TGFB1: variants seen among roughly 807,000 people sequenced by gnomAD.
The protein encoded by TGFB1 is transforming growth factor beta-1 proprotein.
In TGFB1, 19 loss-of-function variants were observed where a neutral mutation model predicts 43.8. The ratio of observed to expected loss-of-function variants is 0.43; its 90% confidence interval spans 0.30 to 0.64. The LOEUF (loss-of-function observed/expected upper bound fraction) is 0.64, where lower values mean the gene tolerates loss of function less well. TGFB1 is among the 30% of genes least tolerant of loss of function. The pLI, the probability that TGFB1 is intolerant of heterozygous loss-of-function variation, is 0.11. For missense variants in TGFB1, 445 were observed against 529.8 expected (o/e 0.84, Z 1.57); for synonymous variants, 221 against 236.3 (o/e 0.94, Z 0.60).
At chr19:41,352,051 C>G (rs529358590) in intron 1 of TGFB1, among the ~76,000 whole-genome samples, 4 of 152,184 alleles carry the variant, frequency 2.6e-5, no homozygotes, top group South Asian at 2.1e-4. Context: ...TTCCAATAAC[C>G]TCCCGTCCCT....
intron 5 of TGFB1, among the ~76,000 whole-genome samples, chr19:41,336,022 T>A (rs1231384060): frequency 7.1e-6 from 1 of 140,516 alleles, no homozygotes; most frequent in Non-Finnish European, 1.5e-5. Context: ...TGAGATGGAG[T>A]CTTGCTCTGT....
In TGFB1 at chr19:41,332,121, G is replaced by T; in HGVS notation, c.1014+7C>A. 6.2e-7 allele frequency: 1 copy of T among 1,609,534 alleles called. No individual in the cohort carries two copies. The highest frequency in any genetic ancestry group is 8.5e-7 in the Non-Finnish European group (1 of 1,176,230). Reference sequence around the variant, plus strand: ...GCGCATCTCGTAGCCCGGTGGGCCAGACGTACCTTGCTGTACTGCGTGTCC... The same window carrying T: ...GCGCATCTCGTAGCCCGGTGGGCCATACGTACCTTGCTGTACTGCGTGTCC... On this transcript the variant is annotated splice_region_variant and intron_variant, in intron 6 of 6. Coordinates refer to ENST00000221930, the MANE Select transcript of TGFB1 (RefSeq NM_000660.7).
chr19:41,352,880 G>C lies in TGFB1; in HGVS notation c.165C>G (p.Ser55=). ...TCGGGGGGCTGGCGAGCCGCAGCTT[G>C]GACAGGATCTGGCCGCGGATGGCCT... ...RIEAIRGQIL[S]KLRLASPPSQ... is the part of the protein sequence containing the mutation. Residue 55 remains serine, a synonymous_variant, in exon 1 of 7, where the codon TCC becomes TCG. Coordinates refer to ENST00000221930, the MANE Select transcript of TGFB1 (RefSeq NM_000660.7). 6.4e-7 allele frequency: 1 copy of C among 1,564,462 alleles called. No homozygotes were observed. Among genetic ancestry groups the C allele is most frequent in the Non-Finnish European group, 8.7e-7 (1 of 1,155,572 alleles).
Position 41,341,927 on chromosome 19 carries a change from T to C in TGFB1, c.816A>G (p.Gln272=), listed in dbSNP as rs2038060094. 2 of 1,614,104 alleles carry C rather than the reference T, an allele frequency of 1.2e-6. No homozygotes were observed. Among genetic ancestry groups the C allele is most frequent in the Non-Finnish European group, 1.7e-6 (2 of 1,179,984 alleles). Residue 272 remains glutamine, a synonymous_variant, in exon 5 of 7, where the codon CAA becomes CAG. Coordinates refer to ENST00000221930, the MANE Select transcript of TGFB1 (RefSeq NM_000660.7). ...CCAGGGCTCGGCGGTGCCGGGAGCT[T>C]TGCAGATGCTGGGCCCTCTCCAGCG... The part of the protein sequence containing the change: ...ATPLERAQHL[Q]SSRHRRALDT...
In TGFB1 at chr19:41,353,207, C is replaced by T; in HGVS notation, c.-163G>A. The T allele has an allele frequency of 2.3e-6, 2 of 871,666 alleles. No individual in the cohort carries two copies. The highest frequency in any genetic ancestry group is 3.3e-6 in the Non-Finnish European group (2 of 600,884). 54.0% of individuals were successfully genotyped at this position (871,666 alleles called of 1,614,324 possible). ...GAAGGGCGCAGTGGTGGAGGGGAGG[C>T]TTGGACCGGGGGTGTCTCAGTATCC... is the stretch of plus-strand genomic sequence containing the variant. On this transcript the variant is annotated 5_prime_UTR_variant, in exon 1 of 7. Transcript: ENST00000221930. The surrounding 1 kb of genome is among the most constrained non-coding windows in gnomAD (Gnocchi z 5.9).
chr19:41,334,338 T>C (rs2037966199), intron 5 of TGFB1, among the ~76,000 whole-genome samples: 1 of 148,766 alleles, frequency 6.7e-6, no homozygotes, highest in Admixed American at 6.7e-5. Context: ...ATCGTGCCAC[T>C]GCACTCCACC....
chr19:41,339,291 AT>A (rs1222905904), intron 5 of TGFB1, among the ~76,000 whole-genome samples: 3 of 151,746 alleles, frequency 2.0e-5, no homozygotes, highest in Non-Finnish European at 4.4e-5. Flanking sequence ...GTTTTTTTGT[AT>A]TTCTTGTACA....
At chr19:41,348,063 C>T (rs1177668846) in intron 2 of TGFB1, among the ~76,000 whole-genome samples, 4 of 150,788 alleles carry the variant, frequency 2.7e-5, no homozygotes, top group Non-Finnish European at 4.4e-5. Flanking sequence ...ACCCAGGAGG[C>T]GGAGATTGCA....
At chr19:41,335,624 C>T (rs191990847) in intron 5 of TGFB1, among the ~76,000 whole-genome samples, 3 of 152,190 alleles carry the variant, frequency 2.0e-5, no homozygotes, top group African/African-American at 7.2e-5. Flanking sequence ...AGCACACATT[C>T]GGGGCCTACC....
At chr19:41,345,271 T>C (rs961300227) in intron 2 of TGFB1, among the ~76,000 whole-genome samples, 5 of 151,802 alleles carry the variant, frequency 3.3e-5, no homozygotes, top group Non-Finnish European at 7.4e-5. Flanking sequence ...CCAAGGTGGG[T>C]GGATCACTTG....
intron 2 of TGFB1, 137 bp from the exon 3 acceptor site, chr19:41,345,001 G>T: frequency 1.3e-6 from 1 of 791,770 alleles, no homozygotes; most frequent in Non-Finnish European, 2.2e-6. Context: ...CTCTCAGACA[G>T]CCACCTGTGT....
chr19:41,332,307 G>A (rs1239865154), intron 5 of TGFB1, 26 bp from the exon 6 acceptor site: 2 of 1,606,594 alleles, frequency 1.2e-6, no homozygotes, highest in Admixed American at 1.7e-5. Flanking sequence ...ACGCGTCAGG[G>A]GCAGGGAGGG....
chr19:41,340,678 C>G (rs2038045284), intron 5 of TGFB1, among the ~76,000 whole-genome samples: 1 of 152,158 alleles, frequency 6.6e-6, no homozygotes, highest in Admixed American at 6.6e-5. Flanking sequence ...CTGCTTTCTC[C>G]AACTCCAACA....
At chr19:41,336,942 T>C (rs919460828) in intron 5 of TGFB1, among the ~76,000 whole-genome samples, 2 of 151,250 alleles carry the variant, frequency 1.3e-5, no homozygotes, top group African/African-American at 4.9e-5. Flanking sequence ...TTGGTTGATA[T>C]GTCTCTTAGG....
intron 5 of TGFB1, among the ~76,000 whole-genome samples, chr19:41,335,229 T>C (rs901408195): frequency 6.6e-6 from 1 of 152,036 alleles, no homozygotes; most frequent in Non-Finnish European, 1.5e-5. Context: ...ATTTTTTGTA[T>C]TTTTAGTAGA....
Position 41,331,164 on chromosome 19 carries a change from G to T in TGFB1, c.1061C>A (p.Pro354Gln). ...NQHNPGASAA[P>Q]CCVPQALEPL... is the part of the protein sequence containing the mutation. ...CTCCAGCGCCTGCGGCACGCAGCACGGCGCCGCCGAGGCGCCCGGGTTATG... is the reference window on the plus strand; with the variant it reads ...CTCCAGCGCCTGCGGCACGCAGCACTGCGCCGCCGAGGCGCCCGGGTTATG... Residue 354 changes from proline (P) to glutamine (Q), a missense_variant, in exon 7 of 7, where the codon CCG (proline) becomes CAG (glutamine). Around this residue, in one of 3 missense-constraint regions of TGFB1, gnomAD observed 23 missense variants for 54.1 expected, o/e 0.42. Coordinates refer to ENST00000221930, the MANE Select transcript of TGFB1 (RefSeq NM_000660.7). The T allele has an allele frequency of 6.4e-7, 1 of 1,558,146 alleles. No homozygotes were observed. The highest frequency in any genetic ancestry group is 8.7e-7 in the Non-Finnish European group (1 of 1,153,862).
intron 2 of TGFB1, among the ~76,000 whole-genome samples, chr19:41,345,811 A>G (rs10406816): frequency 0.51 from 77,839 of 151,750 alleles, 20,406 homozygotes; most frequent in African/African-American, 0.59. Context: ...CTGAGGCAGG[A>G]GAATCACTTG....
intron 5 of TGFB1, among the ~76,000 whole-genome samples, chr19:41,341,312 A>T (rs565042542): frequency 6.8e-6 from 1 of 147,962 alleles, no homozygotes; most frequent in African/African-American, 2.5e-5. Context: ...TAAAAATACA[A>T]AAAAATTAGC....
In TGFB1 at chr19:41,331,010, TGGGGCCGGGCCTGCC is replaced by T; in HGVS notation, c.*27_*41del. 1.1e-6 allele frequency: 1 copy of T among 937,116 alleles called. No individual in the cohort carries two copies. The highest frequency in any genetic ancestry group is 1.4e-4 in the East Asian group (1 of 7,036). The allele number at this position is 937,116 out of a possible 1,614,324, so 58.1% of individuals were successfully genotyped here. On this transcript the variant is annotated 3_prime_UTR_variant, in exon 7 of 7. Coordinates refer to ENST00000221930, the MANE Select transcript of TGFB1 (RefSeq NM_000660.7). Reference sequence around the variant, plus strand: ...GCAAGGCAGCGGGGGCGGGGCGGGGTGGGGCCGGGCCTGCCGGGGCGGGGCGGGGCGGGGCGGGAC... The same window carrying T: ...GCAAGGCAGCGGGGGCGGGGCGGGGTGGGGCGGGGCGGGGCGGGGCGGGAC...
Sources: gnomAD v4.1 joint callset for allele counts (sites outside exome capture counted in the v4.1 genomes callset) on GRCh38, gnomAD v4.1.1 for gene constraint, gnomAD v4.1.1 regional missense constraint, Gnocchi (gnomAD v3.1) non-coding constraint, MANE v1.5 for transcripts, NCBI Gene and HGNC (gene_info 2026-07-23, HGNC 2026-07-21) for gene names.